Variants in TMCO4 observed in about 807,000 individuals in gnomAD.
TMCO4 encodes transmembrane and coiled-coil domains 4, also known as transmembrane and coiled-coil domain-containing protein 4.
TMCO4 carries 58 observed loss-of-function variants against 64.7 expected under a neutral mutation model. The observed-to-expected ratio is 0.90, with a 90% confidence interval of 0.73 to 1.12. TMCO4 has a LOEUF of 1.12. Among genes scored for constraint, TMCO4 ranks in the 50% most tolerant of loss-of-function variants. The probability of loss-of-function intolerance (pLI) is 0.00; values close to 1 mark genes in which losing one functional copy is unlikely to be tolerated. For missense variants in TMCO4, 780 were observed against 825.9 expected (o/e 0.94, Z 0.68); for synonymous variants, 325 against 346.1 (o/e 0.94, Z 0.68).
chr1:19,755,738 G>A lies in TMCO4; in HGVS notation c.411C>T (p.Leu137=), dbSNP rs759854072. 12 of 1,613,982 alleles carry A rather than the reference G, an allele frequency of 7.4e-6. No individual in the cohort carries two copies. The highest frequency in any genetic ancestry group is 1.3e-5 in the African/African-American group (1 of 74,908). ...GGAGCAGGGAGGTCATGTGGCAAACGAGGACTCTGGCCCGGGCGTCATAGT... is the reference window on the plus strand; with the variant it reads ...GGAGCAGGGAGGTCATGTGGCAAACAAGGACTCTGGCCCGGGCGTCATAGT... The part of the protein sequence containing the change: ...DGHYDARARV[L]VCHMTSLLQV... The change falls in exon 7 of 16, where the codon CTC becomes CTT. Residue 137 remains leucine (L), a synonymous_variant. Transcript: ENST00000294543.
intron 14 of TMCO4, among the ~76,000 whole-genome samples, chr1:19,696,265 G>A (rs2095236164): frequency 6.6e-6 from 1 of 152,156 alleles, no homozygotes; most frequent in Non-Finnish European, 1.5e-5. Flanking sequence ...AAGAATGGAC[G>A]GTTGCAGGGC....
rs569270069 is a variant in TMCO4, at chr1:19,758,385, TAATCGGGTTGTAGA to T, written c.383-2633_383-2620del. Among the ~76,000 whole-genome samples the T allele has an allele frequency of 1.4e-3, 206 of 152,314 alleles. 1 individual carries two copies. The highest frequency in any genetic ancestry group is 4.5e-3 in the African/African-American group (186 of 41,570). On this transcript the variant is annotated intron_variant, in intron 6 of 15. Coordinates refer to ENST00000294543, the MANE Select transcript of TMCO4 (RefSeq NM_181719.7). ...AGCAAAGACTACTGTGCCCACGTGATAATCGGGTTGTAGAAATCAAGCTTTGGCCATGATGATTA... is the reference window on the plus strand; with the variant it reads ...AGCAAAGACTACTGTGCCCACGTGATAATCAAGCTTTGGCCATGATGATTA...
chr1:19,717,205 A>G (rs951338835), intron 13 of TMCO4, among the ~76,000 whole-genome samples: 1 of 152,166 alleles, frequency 6.6e-6, no homozygotes, highest in African/African-American at 2.4e-5. Flanking sequence ...AAAATTAATT[A>G]ATGAAATTAA....
At chr1:19,688,637 C>T (rs1323762334) in intron 15 of TMCO4, among the ~76,000 whole-genome samples, 1 of 152,180 alleles carries the variant, frequency 6.6e-6, no homozygotes, top group Non-Finnish European at 1.5e-5. Flanking sequence ...GCAGGCAGTA[C>T]TGAAGCAGTG....
At chr1:19,703,657 C>T (rs1306327915) in intron 13 of TMCO4, among the ~76,000 whole-genome samples, 1 of 151,804 alleles carries the variant, frequency 6.6e-6, no homozygotes, top group African/African-American at 2.4e-5. Flanking sequence ...AAGCGATCCT[C>T]CTGCCTCAGC....
At chr1:19,726,056 G>A (rs2095407516) in intron 13 of TMCO4, among the ~76,000 whole-genome samples, 1 of 152,230 alleles carries the variant, frequency 6.6e-6, no homozygotes, top group Non-Finnish European at 1.5e-5. Flanking sequence ...CTCCTAACAT[G>A]TACTGGGCAC....
At chr1:19,770,853 T>C (rs906993325) in intron 5 of TMCO4, among the ~76,000 whole-genome samples, 2 of 152,246 alleles carry the variant, frequency 1.3e-5, no homozygotes, top group Non-Finnish European at 2.9e-5. Flanking sequence ...CAGGCATAGC[T>C]GGTGAGTGAC....
At chr1:19,712,245 T>A (rs945186921) in intron 13 of TMCO4, among the ~76,000 whole-genome samples, 13 of 152,252 alleles carry the variant, frequency 8.5e-5, no homozygotes, top group Admixed American at 8.5e-4. Context: ...CACCGTCTTA[T>A]ATGGACAATG....
intron 14 of TMCO4, among the ~76,000 whole-genome samples, chr1:19,695,091 G>A (rs766461162): frequency 5.3e-4 from 80 of 152,180 alleles, no homozygotes; most frequent in Admixed American, 3.3e-4. Context: ...CTCAGCCCAG[G>A]CTGCAGGTCT....
chr1:19,771,780 C>A (rs934648879), intron 4 of TMCO4, among the ~76,000 whole-genome samples: 5 of 152,106 alleles, frequency 3.3e-5, no homozygotes, highest in African/African-American at 1.2e-4. Flanking sequence ...CCTCAGCCTC[C>A]CGAGTAGCTG....
intron 2 of TMCO4, among the ~76,000 whole-genome samples, chr1:19,791,820 C>G (rs2044054173): frequency 6.6e-6 from 1 of 152,142 alleles, no homozygotes. Flanking sequence ...GGTTCTTGTC[C>G]CGGGTACTGT....
chr1:19,759,617 T>C (rs1349173690), intron 6 of TMCO4, among the ~76,000 whole-genome samples: 1 of 152,224 alleles, frequency 6.6e-6, no homozygotes, highest in Non-Finnish European at 1.5e-5. Context: ...TTGCACTCGC[T>C]GTTCTTGATA....
chr1:19,729,583 T>C (rs901501542), intron 13 of TMCO4, among the ~76,000 whole-genome samples: 1 of 151,668 alleles, frequency 6.6e-6, no homozygotes, highest in Non-Finnish European at 1.5e-5. Context: ...CTGGCCAACA[T>C]GGTGAAACCC....
intron 13 of TMCO4, among the ~76,000 whole-genome samples, chr1:19,718,030 C>T (rs919656852): frequency 6.6e-6 from 1 of 152,074 alleles, no homozygotes; most frequent in Admixed American, 6.6e-5. Context: ...TCAGGTTTCC[C>T]ATTTTCAAAA....
intron 2 of TMCO4, among the ~76,000 whole-genome samples, chr1:19,795,467 T>C (rs2044262362): frequency 6.6e-6 from 1 of 151,996 alleles, no homozygotes; most frequent in Non-Finnish European, 1.5e-5. Flanking sequence ...AGCAAAACTC[T>C]GTCTCAAAAA....
intron 13 of TMCO4, among the ~76,000 whole-genome samples, chr1:19,721,609 C>T (rs1466021060): frequency 6.6e-6 from 1 of 151,958 alleles, no homozygotes; most frequent in Non-Finnish European, 1.5e-5. Context: ...GGCAACATGG[C>T]GAAACCCTGT....
intron 2 of TMCO4, among the ~76,000 whole-genome samples, chr1:19,796,844 A>T (rs1223749010): frequency 2.0e-5 from 3 of 152,164 alleles, no homozygotes; most frequent in Non-Finnish European, 4.4e-5. Flanking sequence ...AAATGCTGGG[A>T]TTACAGGTGT....
At chr1:19,795,566 G>A (rs938578477) in intron 2 of TMCO4, among the ~76,000 whole-genome samples, 1 of 152,112 alleles carries the variant, frequency 6.6e-6, no homozygotes, top group Non-Finnish European at 1.5e-5. Context: ...TGTTAGCCAC[G>A]TGTCACCTCT....
chr1:19,719,425 T>TA (rs2095371418), intron 13 of TMCO4, among the ~76,000 whole-genome samples: 1 of 152,174 alleles, frequency 6.6e-6, no homozygotes, highest in African/African-American at 2.4e-5. Context: ...ATAGTTCAGT[T>TA]ACAGCACTGG....
Sources: gnomAD v4.1 joint callset for allele counts (sites outside exome capture counted in the v4.1 genomes callset) on GRCh38, gnomAD v4.1.1 for gene constraint, MANE v1.5 for transcripts, NCBI Gene and HGNC (gene_info 2026-07-23, HGNC 2026-07-21) for gene names.